TMEM71: variants seen among roughly 807,000 people sequenced by gnomAD.
The protein encoded by TMEM71 is transmembrane protein 71.
In TMEM71, 44 loss-of-function variants were observed where a neutral mutation model predicts 38.0. The ratio of observed to expected loss-of-function variants is 1.16; its 90% CI spans 0.91 to 1.49. The LOEUF (loss-of-function observed/expected upper bound fraction) is 1.49, where lower values mean the gene tolerates loss of function less well. Ranked by LOEUF, TMEM71 falls within the 40% of genes most tolerant of loss-of-function variation. The pLI is 0.00. For synonymous variants in TMEM71, 133 were observed against 122.5 expected, an observed-to-expected ratio of 1.09 and a Z score of -0.56; for missense variants, 367 against 348.6, an observed-to-expected ratio of 1.05 and a Z score of -0.42.
intron 5 of TMEM71, among the ~76,000 whole-genome samples, chr8:132,728,325 T>C (rs990570182): frequency 1.6e-4 from 24 of 152,224 alleles, no homozygotes; most frequent in Non-Finnish European, 2.8e-4. Context: ...ACATGGATAG[T>C]GGCAGGTAAA....
chr8:132,712,788 G>T lies in TMEM71; in HGVS notation c.872+1207C>A, dbSNP rs1043619994. Among the ~76,000 whole-genome samples, 5 of 152,060 alleles carry T rather than the reference G, an allele frequency of 3.3e-5. No individual in the cohort carries two copies. In the East Asian group the frequency reaches 5.8e-4, roughly 18 times the overall value. ...TGGTAACTTAGGTGGTGCCACTTTA[G>T]AAATCAATAATTGTTTTAAACAAAT... On this transcript the variant is annotated intron_variant, in intron 9 of 9. Transcript: ENST00000677595.
chr8:132,732,590 T>C (rs1827518958), intron 5 of TMEM71, among the ~76,000 whole-genome samples: 2 of 151,964 alleles, frequency 1.3e-5, no homozygotes, highest in East Asian at 1.9e-4. Context: ...TGAGCATGAG[T>C]GTAACATGAG....
intron 3 of TMEM71, among the ~76,000 whole-genome samples, chr8:132,756,691 A>T (rs1334475978): frequency 1.3e-5 from 2 of 151,506 alleles, no homozygotes; most frequent in Non-Finnish European, 2.9e-5. Flanking sequence ...GGTTCAAGTG[A>T]TTCTCCCACC....
upstream of TMEM71, among the ~76,000 whole-genome samples, chr8:132,763,793 A>G (rs1307951414): frequency 6.6e-6 from 1 of 152,232 alleles, no homozygotes; most frequent in Non-Finnish European, 1.5e-5. Flanking sequence ...AATTGGAGAC[A>G]GTGTTTCATA....
intron 5 of TMEM71, 56 bp from the exon 6 acceptor site, chr8:132,728,042 G>T: frequency 8.1e-7 from 1 of 1,233,786 alleles, no homozygotes; most frequent in Non-Finnish European, 1.1e-6. Flanking sequence ...GTGTGTGTGT[G>T]TGTGTGTTCA....
the TMEM71 span, among the ~76,000 whole-genome samples, chr8:132,774,572 T>C: frequency 1.3e-3 from 198 of 152,370 alleles, no homozygotes; most frequent in Non-Finnish European, 2.2e-3. Context: ...GACATTTGTA[T>C]GCAACGTTGC....
Position 132,714,025 on chromosome 8 carries a change from G to T in TMEM71, c.842C>A (p.Ala281Asp), listed in dbSNP as rs917861773. 6.8e-6 allele frequency: 11 copies of T among 1,613,990 alleles called. No individual in the cohort carries two copies. Among genetic ancestry groups the T allele is most frequent in the Non-Finnish European group, 9.3e-6 (11 of 1,179,912 alleles). Residue 281 changes from alanine to aspartate, a missense_variant, in exon 9 of 10, where the codon GCC (alanine) becomes GAC (aspartate). By Grantham distance (126) the Ala-to-Asp change is moderately radical. Transcript: ENST00000677595. ...ACAGGCAGTGGTTTTGAAATAGCTGGCAAGGCTGAGAAACAATGATTTCAC... is the reference window on the plus strand; with the variant it reads ...ACAGGCAGTGGTTTTGAAATAGCTGTCAAGGCTGAGAAACAATGATTTCAC... ...AYVKSLFLSLASYFKTTACAR... is the reference protein window; with the variant it reads ...AYVKSLFLSLDSYFKTTACAR...
At chr8:132,733,781 A>T (rs1287069466) in intron 5 of TMEM71, among the ~76,000 whole-genome samples, 1 of 152,216 alleles carries the variant, frequency 6.6e-6, no homozygotes, top group Non-Finnish European at 1.5e-5. Flanking sequence ...GTGGATGATG[A>T]AAATGTGGTA....
At chr8:132,746,458 T>TATATACATATAC (rs1563753803) in intron 5 of TMEM71, among the ~76,000 whole-genome samples, 9 of 11,384 alleles carry the variant, frequency 7.9e-4, no homozygotes, top group Admixed American at 1.3e-3. Context: ...TATACATATA[T>TATATACATATAC]ATATACATAT....
chr8:132,706,369 C>A (rs866933621), downstream of TMEM71, among the ~76,000 whole-genome samples: 2 of 152,074 alleles, frequency 1.3e-5, no homozygotes, highest in African/African-American at 4.8e-5. Flanking sequence ...TTGTTGAGGG[C>A]AGGCACCATA....
Position 132,746,940 on chromosome 8 carries a change from A to G in TMEM71, c.487+2T>C. ...ACTATGGAAAGGAGGACTCAAACTC[A>G]CCATTTCCATTGCAATGGTCTGTGT... On this transcript the variant is annotated splice_donor_variant, in intron 5 of 9. Transcript: ENST00000677595. LOFTEE classifies it high-confidence loss of function. 1 of 1,586,568 alleles carries G rather than the reference A, an allele frequency of 6.3e-7. No individual in the cohort carries two copies. Among genetic ancestry groups the G allele is most frequent in the Non-Finnish European group, 8.6e-7 (1 of 1,169,558 alleles).
chr8:132,719,058 T>C (rs191006632), intron 7 of TMEM71, among the ~76,000 whole-genome samples: 1 of 152,334 alleles, frequency 6.6e-6, no homozygotes, highest in African/African-American at 2.4e-5. Flanking sequence ...CTAACATAAA[T>C]ACAGCAAAGC....
At chr8:132,759,457 A>T (rs188378744) in intron 1 of TMEM71, 1 of 152,242 alleles carries the variant, frequency 6.6e-6, no homozygotes, top group South Asian at 2.1e-4. Flanking sequence ...CCTAAACAGC[A>T]TAAGTAATGT....
intron 5 of TMEM71, among the ~76,000 whole-genome samples, chr8:132,733,015 A>G (rs182020726): frequency 1.3e-5 from 2 of 152,366 alleles, no homozygotes; most frequent in Middle Eastern, 3.4e-3. Context: ...AGGTGCTTCA[A>G]GTGAGAATCA....
At chr8:132,765,035 A>G (rs1055922086), upstream of TMEM71, among the ~76,000 whole-genome samples, 19 of 152,234 alleles carry the variant, frequency 1.2e-4, no homozygotes, top group African/African-American at 3.9e-4. Flanking sequence ...GTTGGAAGCT[A>G]GCAATTTTAT....
chr8:132,720,911 GC>G (rs1445223654), intron 7 of TMEM71, among the ~76,000 whole-genome samples: 3 of 152,196 alleles, frequency 2.0e-5, no homozygotes, highest in African/African-American at 7.2e-5. Context: ...CTGCTGTCAG[GC>G]AGCTCACATT....
At chr8:132,766,903 A>G in the TMEM71 span, among the ~76,000 whole-genome samples, 7 of 152,174 alleles carry the variant, frequency 4.6e-5, no homozygotes, top group Non-Finnish European at 4.4e-5. Flanking sequence ...AATAATCTCT[A>G]CATCAATGTG....
chr8:132,730,764 T>G (rs576117209), intron 5 of TMEM71, among the ~76,000 whole-genome samples: 1 of 152,208 alleles, frequency 6.6e-6, no homozygotes, highest in South Asian at 2.1e-4. Context: ...AAGGGAAATA[T>G]GAATATCGAC....
At chr8:132,728,055 G>T in intron 5 of TMEM71, 69 bp from the exon 6 acceptor site, 1 of 1,176,588 alleles carries the variant, frequency 8.5e-7, no homozygotes, top group Non-Finnish European at 1.2e-6. Flanking sequence ...TGTGTTCAGT[G>T]ACTGCTCAAT....
Sources: gnomAD v4.1 joint callset for allele counts (sites outside exome capture counted in the v4.1 genomes callset) on GRCh38, gnomAD v4.1.1 for gene constraint, MANE v1.5 for transcripts, NCBI Gene and HGNC (gene_info 2026-07-23, HGNC 2026-07-21) for gene names.